CEP128: variants seen among roughly 807,000 people sequenced by gnomAD.
CEP128 encodes the protein centrosomal protein 128kDa.
CEP128 carries 132 observed loss-of-function variants against 156.7 expected under a neutral mutation model. The observed-to-expected ratio is 0.84, with a 90% confidence interval of 0.73 to 0.97. The LOEUF (loss-of-function observed/expected upper bound fraction) is 0.97. Among genes scored for constraint, CEP128 ranks in the 50% least tolerant of loss-of-function variants. The pLI is 0.00. For missense variants in CEP128, 1,252 were observed against 1,281.9 expected (o/e 0.98, Z 0.36); for synonymous variants, 469 against 448.9 (o/e 1.04, Z -0.57).
intron 13 of CEP128, among the ~76,000 whole-genome samples, chr14:80,820,456 G>A (rs1369877440): frequency 2.0e-5 from 3 of 152,204 alleles, no homozygotes; most frequent in Admixed American, 2.0e-4. Context: ...TTTGTGAGTA[G>A]AGAAAGTGTA....
chr14:80,956,905 T>C (rs1470702728), intron 2 of CEP128, among the ~76,000 whole-genome samples: 3 of 152,218 alleles, frequency 2.0e-5, no homozygotes, highest in Non-Finnish European at 4.4e-5. Flanking sequence ...TCATTCTCCA[T>C]GCTGCCACCA....
intron 19 of CEP128, among the ~76,000 whole-genome samples, chr14:80,644,329 T>C (rs1259023874): frequency 1.3e-5 from 2 of 152,190 alleles, no homozygotes; most frequent in Admixed American, 1.3e-4. Flanking sequence ...GCACCTGTCA[T>C]ATGCACATTG....
chr14:80,656,383 G>A (rs1388493925), intron 19 of CEP128, among the ~76,000 whole-genome samples: 9 of 131,000 alleles, frequency 6.9e-5, no homozygotes, highest in African/African-American at 2.5e-4. Context: ...CAGCCCCCCT[G>A]CTTTCAACAT....
chr14:80,784,394 C>T (rs1033720161), intron 15 of CEP128, among the ~76,000 whole-genome samples: 1 of 151,818 alleles, frequency 6.6e-6, no homozygotes, highest in Non-Finnish European at 1.5e-5. Flanking sequence ...ACCTTAGAAA[C>T]ATTTCCTCAA....
At chr14:80,542,213 T>C (rs888760966) in intron 21 of CEP128, among the ~76,000 whole-genome samples, 29 of 152,220 alleles carry the variant, frequency 1.9e-4, no homozygotes, top group African/African-American at 6.8e-4. Context: ...GTCTCTTTCA[T>C]TACACTGCAA....
intron 19 of CEP128, among the ~76,000 whole-genome samples, chr14:80,732,516 G>GCA (rs1170057530): frequency 1.6e-5 from 2 of 122,514 alleles, no homozygotes; most frequent in Non-Finnish European, 4.0e-5. Flanking sequence ...GTGTGTGTGT[G>GCA]TGTGGTTTCT....
At chr14:80,788,383 G>A (rs1901530791) in intron 14 of CEP128, among the ~76,000 whole-genome samples, 3 of 140,282 alleles carry the variant, frequency 2.1e-5, no homozygotes, top group African/African-American at 7.9e-5. Context: ...CCAAACCTAA[G>A]GGGTTCCAAA....
intron 19 of CEP128, among the ~76,000 whole-genome samples, chr14:80,654,161 G>C (rs917428140): frequency 2.0e-5 from 3 of 152,098 alleles, no homozygotes; most frequent in Non-Finnish European, 4.4e-5. Context: ...TCCCTGCTGG[G>C]TGTTATATAG....
chr14:80,511,982 T>A (rs1036791587), intron 23 of CEP128, among the ~76,000 whole-genome samples: 8 of 152,104 alleles, frequency 5.3e-5, no homozygotes, highest in Non-Finnish European at 1.0e-4. Flanking sequence ...AGAACTGTTT[T>A]GTGCCAAAAC....
At chr14:80,893,725 G>A (rs531349566) in intron 8 of CEP128, among the ~76,000 whole-genome samples, 12 of 151,962 alleles carry the variant, frequency 7.9e-5, no homozygotes, top group African/African-American at 2.9e-4. Flanking sequence ...GAAATTTTGG[G>A]GGTGATGGAT....
intron 16 of CEP128, among the ~76,000 whole-genome samples, chr14:80,763,682 C>T (rs1900083340): frequency 6.6e-6 from 1 of 152,002 alleles, no homozygotes; most frequent in Non-Finnish European, 1.5e-5. Context: ...GAACCTATCT[C>T]CCCAAATAAA....
chr14:80,603,134 G>A (rs970762492), intron 19 of CEP128, among the ~76,000 whole-genome samples: 4 of 152,160 alleles, frequency 2.6e-5, no homozygotes, highest in African/African-American at 9.7e-5. Flanking sequence ...TCTGGAGTGT[G>A]GCCTCAGCAA....
chr14:80,761,480 G>A lies in CEP128; in HGVS notation c.2510C>T (p.Ala837Val). The change falls in exon 17 of 25, where the codon GCA becomes GTA. Residue 837 changes from alanine to valine, a missense_variant. Ala to Val is a moderately conservative substitution (Grantham distance 64, BLOSUM62 0). Transcript: ENST00000555265. ...GTCCTTGGAGAATGTTTTACAAGCT[G>A]CATCAATTTCCTTTCCTATCACACC... ...ILGVIGKEID[A>V]ACKTFSKDSV... The A allele has an allele frequency of 6.2e-7, 1 of 1,611,370 alleles. No homozygotes were observed. The highest frequency in any genetic ancestry group is 1.1e-5 in the South Asian group (1 of 90,684).
intron 24 of CEP128, among the ~76,000 whole-genome samples, chr14:80,499,211 A>T (rs192529434): frequency 5.3e-4 from 80 of 152,328 alleles, no homozygotes; most frequent in African/African-American, 1.9e-3. Context: ...GACAGGTTAC[A>T]TATGAAGCAT....
chr14:80,793,135 T>A (rs750436921), intron 13 of CEP128, 25 bp from the exon 14 acceptor site: 4 of 1,571,370 alleles, frequency 2.5e-6, no homozygotes, highest in Non-Finnish European at 3.5e-6. Flanking sequence ...TGCAAAACAT[T>A]AGGAACAAAT....
intron 19 of CEP128, among the ~76,000 whole-genome samples, chr14:80,683,215 A>C (rs1896391792): frequency 1.3e-5 from 2 of 152,174 alleles, no homozygotes; most frequent in African/African-American, 2.4e-5. Flanking sequence ...TGCTCTTTTC[A>C]ACAGACCCAT....
intron 19 of CEP128, among the ~76,000 whole-genome samples, chr14:80,728,497 T>C (rs1000429200): frequency 2.0e-5 from 3 of 152,162 alleles, no homozygotes; most frequent in Non-Finnish European, 2.9e-5. Context: ...TCTGCACATG[T>C]ACCCCTGAAC....
In CEP128 at chr14:80,682,109, C is replaced by T. The variant is rs557323286; in HGVS notation, c.2806+60966G>A. Among the ~76,000 whole-genome samples the T allele has an allele frequency of 2.6e-5, 4 of 151,602 alleles. No homozygotes were observed. The South Asian group carries it at 8.4e-4, about 32-fold the overall frequency. ...GTTGACAGAGTAAGACCCTTTCCCC[C>T]CACAAAAAAATAAAAAAGGAAAAAA... On this transcript the variant is annotated intron_variant, in intron 19 of 24. Coordinates refer to ENST00000555265, the MANE Select transcript of CEP128 (RefSeq NM_152446.5).
At chr14:80,777,222 T>C (rs779958529) in intron 16 of CEP128, among the ~76,000 whole-genome samples, 1 of 151,922 alleles carries the variant, frequency 6.6e-6, no homozygotes, top group Non-Finnish European at 1.5e-5. Context: ...TGGGAGGTGA[T>C]TTGGGAGGTG....
Sources: allele counts gnomAD v4.1 joint callset (sites outside exome capture counted in the v4.1 genomes callset), GRCh38; gene constraint gnomAD v4.1.1; transcripts MANE v1.5; gene names NCBI Gene and HGNC (gene_info 2026-07-23, HGNC 2026-07-21).